Variants in ASPG observed in about 807,000 individuals in gnomAD.
ASPG encodes asparaginase.
ASPG carries 53 observed loss-of-function variants against 63.2 expected under a neutral mutation model. The observed-to-expected ratio is 0.84, with a 90% CI of 0.67 to 1.05. The LOEUF (loss-of-function observed/expected upper bound fraction) is 1.05. Ranked by LOEUF, ASPG falls within the 50% of genes least tolerant of loss-of-function variation. The probability of loss-of-function intolerance (pLI) is 0.00; values close to 1 mark genes in which losing one functional copy is unlikely to be tolerated. For missense variants in ASPG, 741 were observed against 794.4 expected, an observed-to-expected ratio of 0.93 and a Z score of 0.81; for synonymous variants, 370 against 355.0, an observed-to-expected ratio of 1.04 and a Z score of -0.48.
chr14:104,111,287 C>G, intron 13 of ASPG: 1 of 823,930 alleles, frequency 1.2e-6, no homozygotes, highest in Non-Finnish European at 1.5e-6. Context: ...GCATGTGTAC[C>G]CGACTTGAGT....
At position 104,094,252 on chromosome 14, in the gene ASPG, G is replaced by A. The variant is rs75735634; in HGVS notation, c.303+650G>A. On this transcript the variant is annotated intron_variant, in intron 3 of 15. Coordinates refer to ENST00000551177, the MANE Select transcript of ASPG (RefSeq NM_001080464.3). ...GTTAGTATCTGGGGCGCGGTGTGTG[G>A]TGTGTGATGCTACCTCGAGGGCCAG... is the stretch of plus-strand genomic sequence containing the variant. Among the ~76,000 whole-genome samples, 487 of 152,152 alleles carry A rather than the reference G, an allele frequency of 3.2e-3. 6 individuals are homozygous for A. The highest frequency in any genetic ancestry group is 0.011 in the African/African-American group (467 of 41,488).
intron 2 of ASPG, 26 bp from the exon 3 acceptor site, chr14:104,093,465 C>G: frequency 6.3e-7 from 1 of 1,575,182 alleles, no homozygotes; most frequent in Non-Finnish European, 8.7e-7. Context: ...CCTGCTGTTC[C>G]GCCTCCTGCT....
Position 104,109,040 on chromosome 14 carries a change from G to A in ASPG, c.1434-189G>A, listed in dbSNP as rs999550073. The A allele has an allele frequency of 8.1e-6, 8 of 985,290 alleles. No individual in the cohort carries two copies. The highest frequency in any genetic ancestry group is 3.5e-5 in the African/African-American group (2 of 57,208). The allele number at this position is 985,290 out of a possible 1,614,324, so 61.0% of individuals were successfully genotyped here. A position where few individuals can be genotyped will look rare whatever the true frequency, so the allele number is the denominator to read the frequency against. ...GGACAAATGGAGGTGGTGGGATCCC[G>A]GGATGATGTCACATGGGCCTAGGCA... On this transcript the variant is annotated intron_variant, in intron 12 of 15. Transcript: ENST00000551177. This position sits in a 1 kb window ranked among gnomAD's most constrained non-coding sequence, Gnocchi z 4.8.
Position 104,104,850 on chromosome 14 carries a change from T to C in ASPG, c.1050+115T>C, listed in dbSNP as rs1316356541. On this transcript the variant is annotated intron_variant, in intron 9 of 15. Transcript: ENST00000551177. The stretch of plus-strand genomic sequence containing the variant: ...AGCCTGGGGGCCGGTCCAGGGTGTG[T>C]CCTGTTTGGGAAGGGGAGGGATGTG... 4 of 901,752 alleles carry C rather than the reference T, an allele frequency of 4.4e-6. No individual in the cohort carries two copies. The Admixed American group carries it at 8.7e-5, about 20-fold the overall frequency. 55.9% of individuals were successfully genotyped at this position (901,752 alleles called of 1,614,324 possible).
chr14:104,093,174 G>A (rs957735990), intron 2 of ASPG: 50 of 507,490 alleles, frequency 9.9e-5, no homozygotes, highest in South Asian at 5.3e-4. Context: ...CACCACAGCC[G>A]CCACAGGCGA....
Position 104,098,852 on chromosome 14 carries a change from G to A in ASPG, c.514-1G>A. The A allele has an allele frequency of 6.2e-7, 1 of 1,612,888 alleles. No individual in the cohort carries two copies. The highest frequency in any genetic ancestry group is 8.5e-7 in the Non-Finnish European group (1 of 1,179,670). On this transcript the variant is annotated splice_acceptor_variant, in intron 5 of 15. Coordinates refer to ENST00000551177, the MANE Select transcript of ASPG (RefSeq NM_001080464.3). LOFTEE classifies it high-confidence loss of function. ...TGAACTCTGTCGCTCCGTTCCCGCA[G>A]GTCTGCCTTTTCTTCCAGAATCAGC... is the stretch of plus-strand genomic sequence containing the variant.
chr14:104,092,807 G>T, intron 2 of ASPG, 66 bp downstream of exon 2: 1 of 1,375,972 alleles, frequency 7.3e-7, no homozygotes, highest in Non-Finnish European at 1.0e-6. Context: ...TCCTGAGGCT[G>T]GGCACTGCTG....
At position 104,112,666 on chromosome 14, in the gene ASPG, C is replaced by T. The variant is rs1241666819; in HGVS notation, c.*122C>T. ...CCTGCTCTCATGTAAAGCCTGAAGG[C>T]CTTTGTTGGGCAGGACGGCAATAAA... On this transcript the variant is annotated 3_prime_UTR_variant, in exon 16 of 16. Coordinates refer to ENST00000551177, the MANE Select transcript of ASPG (RefSeq NM_001080464.3). The T allele has an allele frequency of 6.5e-7, 1 of 1,539,424 alleles. No homozygotes were observed. Among genetic ancestry groups the T allele is most frequent in the Non-Finnish European group, 8.7e-7 (1 of 1,147,490 alleles).
In ASPG at chr14:104,099,036, G is replaced by C. The variant is rs967753176; in HGVS notation, c.640+57G>C. The C allele has an allele frequency of 1.3e-5, 20 of 1,528,858 alleles. No individual in the cohort carries two copies. In the South Asian group the frequency reaches 2.3e-4, roughly 17 times the overall value. The allele number at this position is 1,528,858 out of a possible 1,614,324, so 94.7% of individuals were successfully genotyped here. A position where few individuals can be genotyped will look rare whatever the true frequency, so the allele number is the denominator to read the frequency against. The stretch of plus-strand genomic sequence containing the variant: ...GCCCAGTGCTGGTGCTGGGCGAGGG[G>C]CTGCTGCAGGGAGCTCGTGGCTGGG... On this transcript the variant is annotated intron_variant, in intron 6 of 15. Coordinates refer to ENST00000551177, the MANE Select transcript of ASPG (RefSeq NM_001080464.3).
intron 3 of ASPG, among the ~76,000 whole-genome samples, chr14:104,094,261 G>A (rs1003530003): frequency 2.0e-5 from 3 of 152,002 alleles, no homozygotes; most frequent in Non-Finnish European, 4.4e-5. Context: ...GGTGTGTGAT[G>A]CTACCTCGAG....
chr14:104,108,893 C>T, intron 12 of ASPG: 13 of 985,390 alleles, frequency 1.3e-5, no homozygotes, highest in Non-Finnish European at 1.6e-5. Flanking sequence ...GTTGGGGAGA[C>T]TGCCCTGGGA....
At chr14:104,089,947 CAAAAAAAAAAAAAAAAAAA>C (rs58405958) in intron 1 of ASPG, among the ~76,000 whole-genome samples, 2 of 56,338 alleles carry the variant, frequency 3.6e-5, no homozygotes, top group Non-Finnish European at 5.7e-5. Context: ...GACTCTGCCT[CAAAAAAAAAAAAAAAAAAA>C]AAAAAAAAGG....
chr14:104,086,490 A>G (rs2036224897), intron 1 of ASPG, among the ~76,000 whole-genome samples: 1 of 152,136 alleles, frequency 6.6e-6, no homozygotes. Flanking sequence ...TGGGACAGGC[A>G]CCGAGCTCTG....
intron 12 of ASPG, among the ~76,000 whole-genome samples, chr14:104,108,139 G>T (rs984765701): frequency 6.6e-6 from 1 of 152,170 alleles, no homozygotes; most frequent in African/African-American, 2.4e-5. Flanking sequence ...GAGCCCTGGG[G>T]TGGGGTGTGG....
intron 4 of ASPG, 150 bp downstream of exon 4, chr14:104,095,806 C>T (rs942261234): frequency 1.2e-5 from 13 of 1,067,832 alleles, no homozygotes; most frequent in African/African-American, 4.8e-5. Context: ...TGCTGGGGCT[C>T]GCAAATGCTC....
rs1056959096 is a variant in ASPG at position 104,105,143 on chromosome 14, C to A, written c.1051-185C>A. ...CCCTGGAGACCCTGAGCTGGTAGGG[C>A]CAGGGAGTGGGGCTGGCCTTGGGAG... On this transcript the variant is annotated intron_variant, in intron 9 of 15. Transcript: ENST00000551177. 13 of 879,868 alleles carry A rather than the reference C, an allele frequency of 1.5e-5. No homozygotes were observed. The African/African-American group carries it at 1.9e-4, about 13-fold the overall frequency. 54.5% of individuals were successfully genotyped at this position (879,868 alleles called of 1,614,324 possible).
In ASPG at chr14:104,104,723, T is replaced by C; in HGVS notation, c.1038T>C (p.Asp346=). Residue 346 remains aspartate (D), a synonymous_variant, in exon 9 of 16, where the codon GAT becomes GAC. Coordinates refer to ENST00000551177, the MANE Select transcript of ASPG (RefSeq NM_001080464.3). ...TGGGCCAGCCAGGGCTGAGCCTGGA[T>C]GTCAGGAAGGAGGTGCGGGCGCTCT... The part of the protein sequence containing the change: ...YVLGQPGLSL[D]VRKELLTKDL... The C allele has an allele frequency of 6.3e-7, 1 of 1,596,222 alleles. No homozygotes were observed. The highest frequency in any genetic ancestry group is 2.3e-5 in the East Asian group (1 of 44,444).
chr14:104,102,366 C>T (rs775068957), intron 6 of ASPG, among the ~76,000 whole-genome samples: 3 of 152,124 alleles, frequency 2.0e-5, no homozygotes, highest in Non-Finnish European at 2.9e-5. Context: ...GCTGCTCTAG[C>T]GGAAGCGGCC....
chr14:104,110,594 T>C lies in ASPG; in HGVS notation c.1521-908T>C, dbSNP rs1410482425. 1 of 985,142 alleles carries C rather than the reference T, an allele frequency of 1.0e-6. No individual in the cohort carries two copies. Among genetic ancestry groups the C allele is most frequent in the African/African-American group, 1.7e-5 (1 of 57,200 alleles). The allele number at this position is 985,142 out of a possible 1,614,324, so 61.0% of individuals were successfully genotyped here. On this transcript the variant is annotated intron_variant, in intron 13 of 15. Transcript: ENST00000551177. The surrounding 1 kb of genome is among the most constrained non-coding windows in gnomAD (Gnocchi z 4.7). ...GGTGTGTGTGTGGGGCTTGGCCTCT[T>C]GGAGCAGGTCCAGGAGGGGCCAGTG... is the stretch of plus-strand genomic sequence containing the variant.
Sources: gnomAD v4.1 joint callset for allele counts (sites outside exome capture counted in the v4.1 genomes callset) on GRCh38, gnomAD v4.1.1 for gene constraint, Gnocchi (gnomAD v3.1) non-coding constraint, MANE v1.5 for transcripts, NCBI Gene and HGNC (gene_info 2026-07-23, HGNC 2026-07-21) for gene names.